Variants in PSEN1 observed in about 807,000 individuals in gnomAD.
PSEN1 encodes presenilin 1.
Under a neutral mutation model 53.5 loss-of-function variants are expected in PSEN1, and 15 were observed. The ratio of observed to expected loss-of-function variants is 0.28; its 90% CI spans 0.19 to 0.43. The LOEUF (loss-of-function observed/expected upper bound fraction) is 0.43. PSEN1 is among the 20% of genes least tolerant of loss of function. PSEN1 has a pLI of 1.00. For missense variants in PSEN1, 387 were observed against 571.2 expected (o/e 0.68, Z 3.29); for synonymous variants, 208 against 209.8 (o/e 0.99, Z 0.08).
chr14:73,201,059 A>G (rs114445862), intron 8 of PSEN1, among the ~76,000 whole-genome samples: 3,390 of 150,992 alleles, frequency 0.022, 130 homozygotes, highest in African/African-American at 0.076. Flanking sequence ...CACCCTCCCA[A>G]AAAAAGAGAA....
intron 3 of PSEN1, among the ~76,000 whole-genome samples, chr14:73,163,630 C>T (rs529349172): frequency 1.8e-4 from 28 of 152,232 alleles, no homozygotes; most frequent in Non-Finnish European, 3.8e-4. Flanking sequence ...ACCAGATCAA[C>T]GTAGAGAAAG....
At chr14:73,191,734 G>A (rs2140091271) in intron 6 of PSEN1, among the ~76,000 whole-genome samples, 1 of 151,918 alleles carries the variant, frequency 6.6e-6, no homozygotes, top group Admixed American at 6.6e-5. Context: ...TTTTTGTAGT[G>A]ATAGAGTCTC....
intron 10 of PSEN1, among the ~76,000 whole-genome samples, chr14:73,212,820 T>C (rs1360918228): frequency 1.3e-5 from 2 of 152,254 alleles, no homozygotes; most frequent in African/African-American, 4.8e-5. Context: ...GAGATGTGGT[T>C]CATTGAATAA....
intron 6 of PSEN1, among the ~76,000 whole-genome samples, chr14:73,188,676 T>C (rs1010667943): frequency 1.1e-4 from 17 of 152,158 alleles, no homozygotes; most frequent in Non-Finnish European, 2.4e-4. Flanking sequence ...CATTATAAAA[T>C]GTATGCATCT....
intron 11 of PSEN1, 69 bp from the exon 12 acceptor site, chr14:73,219,065 G>C: frequency 6.6e-7 from 1 of 1,522,842 alleles, no homozygotes; most frequent in Non-Finnish European, 9.1e-7. Flanking sequence ...CAAGACTTGT[G>C]ATTGAGTTTT....
chr14:73,141,046 C>T (rs1896910902), intron 1 of PSEN1, among the ~76,000 whole-genome samples: 1 of 152,216 alleles, frequency 6.6e-6, no homozygotes, highest in South Asian at 2.1e-4. Context: ...TCAAGGCCAA[C>T]TGCATAAGCA....
At chr14:73,181,559 G>A (rs2140061604) in intron 5 of PSEN1, among the ~76,000 whole-genome samples, 1 of 152,230 alleles carries the variant, frequency 6.6e-6, no homozygotes, top group South Asian at 2.1e-4. Context: ...AGGTTTTCCA[G>A]TCTAGCCTGG....
chr14:73,137,852 GGGGCGGATCCTT>G (rs573181284), intron 1 of PSEN1, among the ~76,000 whole-genome samples: 5 of 152,268 alleles, frequency 3.3e-5, no homozygotes, highest in African/African-American at 1.2e-4. Context: ...GGGAGGCCGC[GGGGCGGATCCTT>G]GAGCTGAGGA....
chr14:73,146,132 G>A (rs956791817), intron 1 of PSEN1: 1 of 150,494 alleles, frequency 6.6e-6, no homozygotes, highest in Admixed American at 6.6e-5. Flanking sequence ...CAAAGGTATC[G>A]ATAACTCTTA....
intron 3 of PSEN1, among the ~76,000 whole-genome samples, chr14:73,151,894 A>ATAT (rs1566619471): frequency 1.0e-4 from 4 of 38,974 alleles, no homozygotes; most frequent in East Asian, 9.0e-4. Flanking sequence ...ATATATATAT[A>ATAT]TTTTTTTTTT....
At chr14:73,198,436 T>C (rs368520145) in intron 8 of PSEN1, among the ~76,000 whole-genome samples, 19 of 152,242 alleles carry the variant, frequency 1.2e-4, no homozygotes, top group South Asian at 6.2e-4. Flanking sequence ...GAGTGACTGG[T>C]TTAGATGTCT....
At chr14:73,209,881 G>A (rs1365363815) in intron 9 of PSEN1, among the ~76,000 whole-genome samples, 1 of 152,090 alleles carries the variant, frequency 6.6e-6, no homozygotes, top group South Asian at 2.1e-4. Flanking sequence ...TATTTTGGGG[G>A]GCACAGTTCT....
At chr14:73,198,230 T>G (rs539387360) in intron 8 of PSEN1, 101 bp downstream of exon 8, 1 of 741,694 alleles carries the variant, frequency 1.3e-6, no homozygotes, top group African/African-American at 1.7e-5. Context: ...TGTTCTCATC[T>G]TAAATGCACA....
At chr14:73,197,962 C>T (rs1017767049) in intron 7 of PSEN1, 69 bp from the exon 8 acceptor site, 41 of 849,760 alleles carry the variant, frequency 4.8e-5, no homozygotes, top group Non-Finnish European at 7.4e-5. Context: ...GTTAATTCCT[C>T]CCTACCACCC....
At chr14:73,148,161 C>T in intron 3 of PSEN1, 55 bp downstream of exon 3, 1 of 1,342,508 alleles carries the variant, frequency 7.4e-7, no homozygotes, top group Admixed American at 1.8e-5. Context: ...CTTATCATCT[C>T]CCCTCACCTC....
intron 8 of PSEN1, 45 bp from the exon 9 acceptor site, chr14:73,206,341 C>G: frequency 7.2e-7 from 1 of 1,396,160 alleles, no homozygotes; most frequent in Non-Finnish European, 1.0e-6. Flanking sequence ...TCTATGCATA[C>G]TTTGTGTGTC....
At chr14:73,218,463 G>A (rs1434941665) in intron 11 of PSEN1, among the ~76,000 whole-genome samples, 3 of 152,142 alleles carry the variant, frequency 2.0e-5, no homozygotes, top group Non-Finnish European at 4.4e-5. Context: ...TCTTGGCCGG[G>A]TGAAGACTTT....
chr14:73,162,186 A>G (rs991477223), intron 3 of PSEN1, among the ~76,000 whole-genome samples: 3 of 151,304 alleles, frequency 2.0e-5, no homozygotes, highest in African/African-American at 7.3e-5. Flanking sequence ...TCTCAAAAAA[A>G]AAAAAAAGTT....
Position 73,211,894 on chromosome 14 carries a change from G to C in PSEN1, c.1081G>C (p.Val361Leu), listed in dbSNP as rs1019919048. 1.2e-6 allele frequency: 2 copies of C among 1,613,952 alleles called. No homozygotes were observed. Among genetic ancestry groups the C allele is most frequent in the East Asian group, 2.2e-5 (1 of 44,862 alleles). Reference sequence around the variant, plus strand: ...CTCTACACCTGAGTCACGAGCTGCTGTCCAGGAACTTTCCAGCAGTATCCT... The same window carrying C: ...CTCTACACCTGAGTCACGAGCTGCTCTCCAGGAACTTTCCAGCAGTATCCT... ...HRSTPESRAA[V>L]QELSSSILAG... The change falls in exon 10 of 12, where the codon GTC becomes CTC. Residue 361 changes from valine (V) to leucine (L), a missense_variant. Coordinates refer to ENST00000324501, the MANE Select transcript of PSEN1 (RefSeq NM_000021.4).
Sources: gnomAD v4.1 joint callset for allele counts (sites outside exome capture counted in the v4.1 genomes callset) on GRCh38, gnomAD v4.1.1 for gene constraint, MANE v1.5 for transcripts, NCBI Gene and HGNC (gene_info 2026-07-23, HGNC 2026-07-21) for gene names.